ADAM12: variants seen among roughly 807,000 people sequenced by gnomAD.
ADAM12 encodes ADAM metallopeptidase domain 12.
In ADAM12, 70 loss-of-function variants were observed where a neutral mutation model predicts 106.4. The ratio of observed to expected loss-of-function variants is 0.66; its 90% confidence interval spans 0.54 to 0.80. The LOEUF (loss-of-function observed/expected upper bound fraction) is 0.80, where lower values mean the gene tolerates loss of function less well. ADAM12 is among the 30% of genes least tolerant of loss of function. The pLI, the probability that ADAM12 is intolerant of heterozygous loss-of-function variation, is 0.00. For missense variants in ADAM12, 1,010 were observed against 1,171.9 expected (o/e 0.86, Z 2.02); for synonymous variants, 420 against 433.5 (o/e 0.97, Z 0.39).
intron 1 of ADAM12, among the ~76,000 whole-genome samples, chr10:126,362,332 T>C (rs968531386): frequency 6.6e-6 from 1 of 152,136 alleles, no homozygotes; most frequent in Non-Finnish European, 1.5e-5. Context: ...TTGTACACTA[T>C]TGGTGGAAAT....
intron 2 of ADAM12, among the ~76,000 whole-genome samples, chr10:126,329,192 T>C (rs1427976074): frequency 4.6e-5 from 7 of 152,276 alleles, no homozygotes; most frequent in South Asian, 4.1e-4. Context: ...ATTAAATACA[T>C]TGTTTATTTG....
intron 2 of ADAM12, among the ~76,000 whole-genome samples, chr10:126,282,241 G>A (rs1336561788): frequency 2.6e-5 from 4 of 152,050 alleles, no homozygotes; most frequent in Non-Finnish European, 5.9e-5. Context: ...ATAAGATTAG[G>A]GGCCACACAT....
intron 3 of ADAM12, among the ~76,000 whole-genome samples, chr10:126,203,571 A>T (rs1590614140): frequency 6.6e-6 from 1 of 152,224 alleles, no homozygotes; most frequent in African/African-American, 2.4e-5. Flanking sequence ...CATAAACTCT[A>T]TCAAAGCATC....
chr10:126,191,807 A>G (rs763934417), intron 3 of ADAM12, among the ~76,000 whole-genome samples: 1 of 152,194 alleles, frequency 6.6e-6, no homozygotes, highest in Non-Finnish European at 1.5e-5. Flanking sequence ...CACTGCTATA[A>G]AGAAATGCCT....
chr10:126,206,820 C>G (rs1957803401), intron 3 of ADAM12, among the ~76,000 whole-genome samples: 1 of 123,772 alleles, frequency 8.1e-6, no homozygotes, highest in East Asian at 2.5e-4. Flanking sequence ...CAAATGTCAT[C>G]TTGAGTTGTA....
intron 2 of ADAM12, among the ~76,000 whole-genome samples, chr10:126,328,359 A>G (rs534079107): frequency 1.1e-3 from 163 of 152,324 alleles, no homozygotes; most frequent in African/African-American, 3.7e-3. Flanking sequence ...AATATTCTTC[A>G]CGTGAGTATG....
At position 126,289,352 on chromosome 10, in the gene ADAM12, C is replaced by T. The variant is rs559843699; in HGVS notation, c.187-10364G>A. 3.9e-5 allele frequency among the ~76,000 whole-genome samples: 6 copies of T among 152,332 alleles called. No homozygotes were observed. In the East Asian group the frequency reaches 7.7e-4, roughly 20 times the overall value. ...AGGCGGGGAGGCAGAAGGCCGAGGC[C>T]GGGATGAGTCTTTCCTGTCAGCCAC... On this transcript the variant is annotated intron_variant, in intron 2 of 22. Transcript: ENST00000448723.
chr10:126,191,687 G>T lies in ADAM12; in HGVS notation c.261-36382C>A, dbSNP rs371274392. On this transcript the variant is annotated intron_variant, in intron 3 of 22. Transcript: ENST00000448723. ...CAAAGATAATTCAACAATGTTGAAT[G>T]CTGTGGACAATAGCTTAACATAGGG... Among the ~76,000 whole-genome samples the T allele has an allele frequency of 1.1e-4, 16 of 152,318 alleles. 1 individual carries two copies. The highest frequency in any genetic ancestry group is 3.9e-4 in the African/African-American group (16 of 41,556).
intron 3 of ADAM12, among the ~76,000 whole-genome samples, chr10:126,176,421 G>C (rs918690600): frequency 2.0e-5 from 3 of 152,186 alleles, no homozygotes; most frequent in South Asian, 2.1e-4. Context: ...ATATGAAATA[G>C]AGTTTACCGT....
chr10:126,285,279 AG>A (rs1314570135), intron 2 of ADAM12, among the ~76,000 whole-genome samples: 1 of 152,246 alleles, frequency 6.6e-6, no homozygotes, highest in African/African-American at 2.4e-5. Flanking sequence ...GTCATGGCAA[AG>A]TTCAACAGCT....
intron 16 of ADAM12, among the ~76,000 whole-genome samples, chr10:126,048,826 C>T (rs568706315): frequency 2.6e-5 from 4 of 152,236 alleles, no homozygotes; most frequent in Admixed American, 6.5e-5. Flanking sequence ...GTTTCTTCCA[C>T]TCCTTTCCCT....
At chr10:126,068,014 T>C (rs1954907062) in intron 12 of ADAM12, among the ~76,000 whole-genome samples, 1 of 152,194 alleles carries the variant, frequency 6.6e-6, no homozygotes, top group Non-Finnish European at 1.5e-5. Context: ...TCCATTTGAT[T>C]CTATTATACA....
intron 3 of ADAM12, among the ~76,000 whole-genome samples, chr10:126,175,105 C>T (rs901746221): frequency 8.5e-5 from 13 of 152,318 alleles, no homozygotes; most frequent in South Asian, 2.1e-4. Context: ...TTCCTTGGGA[C>T]CACCTTCAGA....
intron 11 of ADAM12, among the ~76,000 whole-genome samples, chr10:126,082,375 T>TTTTA (rs1355479475): frequency 1.4e-5 from 2 of 145,552 alleles, no homozygotes; most frequent in Non-Finnish European, 3.0e-5. Context: ...TTTTTTTTTT[T>TTTTA]TTTTTTTTTT....
At chr10:126,092,865 G>A (rs1310193708) in intron 11 of ADAM12, among the ~76,000 whole-genome samples, 1 of 152,216 alleles carries the variant, frequency 6.6e-6, no homozygotes. Context: ...TGTTTCAAGG[G>A]CAACTCAATG....
chr10:126,279,433 A>C (rs1387510710), intron 2 of ADAM12, among the ~76,000 whole-genome samples: 1 of 147,670 alleles, frequency 6.8e-6, no homozygotes, highest in African/African-American at 2.5e-5. Context: ...TCTGTCTCAA[A>C]AAAAAAAGAA....
At chr10:126,166,731 T>A (rs1025302551) in intron 3 of ADAM12, among the ~76,000 whole-genome samples, 16 of 152,152 alleles carry the variant, frequency 1.1e-4, no homozygotes, top group African/African-American at 1.7e-4. Flanking sequence ...TCTCTTGACC[T>A]TGTGATCCGC....
chr10:126,238,831 C>T (rs1958468796), intron 3 of ADAM12, among the ~76,000 whole-genome samples: 1 of 152,204 alleles, frequency 6.6e-6, no homozygotes, highest in African/African-American at 2.4e-5. Flanking sequence ...AAAATCTTAG[C>T]CTGTTTCTGA....
At chr10:126,096,178 T>C (rs556035753) in intron 10 of ADAM12, among the ~76,000 whole-genome samples, 1 of 152,338 alleles carries the variant, frequency 6.6e-6, no homozygotes, top group South Asian at 2.1e-4. Flanking sequence ...ATGTAGTCAG[T>C]CTAAGAACAT....
Sources: allele counts gnomAD v4.1 joint callset (sites outside exome capture counted in the v4.1 genomes callset), GRCh38; gene constraint gnomAD v4.1.1; transcripts MANE v1.5; gene names NCBI Gene and HGNC (gene_info 2026-07-23, HGNC 2026-07-21).